Variants in ACTR3C observed in about 807,000 individuals in gnomAD.
ACTR3C encodes actin related protein 3C, also known as actin-related protein 3C.
A neutral mutation model predicts 26.3 loss-of-function variants in ACTR3C; 18 were observed. The ratio of observed to expected loss-of-function variants is 0.68; its 90% CI spans 0.47 to 1.01. The LOEUF (loss-of-function observed/expected upper bound fraction) is 1.01, where lower values mean the gene tolerates loss of function less well. ACTR3C is among the 50% of genes least tolerant of loss of function. The probability of loss-of-function intolerance (pLI) is 0.00; values close to 1 mark genes in which losing one functional copy is unlikely to be tolerated. For synonymous variants in ACTR3C, 55 were observed against 94.5 expected, an observed-to-expected ratio of 0.58 and a Z score of 2.42; for missense variants, 184 against 250.7, an observed-to-expected ratio of 0.73 and a Z score of 1.80.
At chr7:150,053,111 A>G in the ACTR3C span, among the ~76,000 whole-genome samples, 67 of 143,846 alleles carry the variant, frequency 4.7e-4, no homozygotes, top group East Asian at 0.01. Flanking sequence ...TGGTGACACA[A>G]TGATCGTTTC....
the ACTR3C span, among the ~76,000 whole-genome samples, chr7:150,201,565 C>T: frequency 2.0e-5 from 3 of 149,628 alleles, no homozygotes; most frequent in East Asian, 2.0e-4. Context: ...CTGGCTAACA[C>T]GGTGAAACCT....
the ACTR3C span, among the ~76,000 whole-genome samples, chr7:150,029,341 C>T: frequency 3.4e-5 from 5 of 145,492 alleles, no homozygotes; most frequent in African/African-American, 1.3e-4. Flanking sequence ...GGGAGGACTG[C>T]TTGAGCCCAG....
chr7:150,308,537 G>A (rs73472377), intron 1 of ACTR3C, among the ~76,000 whole-genome samples: 7,186 of 151,928 alleles, frequency 0.047, 581 homozygotes, highest in African/African-American at 0.16. Flanking sequence ...TCCCAATGCA[G>A]CTCATCCCAA....
chr7:150,275,988 C>T (rs534040457), intron 6 of ACTR3C, among the ~76,000 whole-genome samples: 3 of 152,246 alleles, frequency 2.0e-5, no homozygotes, highest in Middle Eastern at 3.4e-3. Flanking sequence ...TAGCCCGCAA[C>T]CTTACCTTGC....
chr7:149,994,606 GA>G, the ACTR3C span, among the ~76,000 whole-genome samples: 4 of 147,752 alleles, frequency 2.7e-5, no homozygotes, highest in East Asian at 2.0e-4. Context: ...CATCTCAAAA[GA>G]AAAAAAAATG....
chr7:150,231,389 G>C, the ACTR3C span, among the ~76,000 whole-genome samples: 1 of 151,714 alleles, frequency 6.6e-6, no homozygotes, highest in East Asian at 1.9e-4. Flanking sequence ...TCACTCCATT[G>C]GTTCCCACAA....
At chr7:150,242,765 G>T (rs1832258908), downstream of ACTR3C, among the ~76,000 whole-genome samples, 1 of 152,134 alleles carries the variant, frequency 6.6e-6, no homozygotes, top group Non-Finnish European at 1.5e-5. Flanking sequence ...TTTGTGGAGG[G>T]AAGGAGTATC....
the ACTR3C span, among the ~76,000 whole-genome samples, chr7:150,129,152 T>C: frequency 2.6e-5 from 4 of 151,758 alleles, no homozygotes; most frequent in Admixed American, 6.6e-5. Context: ...TAATCACACG[T>C]CAAAATTCAT....
the ACTR3C span, among the ~76,000 whole-genome samples, chr7:150,202,755 G>T: frequency 6.6e-6 from 1 of 152,210 alleles, no homozygotes; most frequent in South Asian, 2.1e-4. Context: ...GTATTGGCTA[G>T]ACCTCTGGAG....
At chr7:150,208,007 G>A in the ACTR3C span, among the ~76,000 whole-genome samples, 1 of 152,064 alleles carries the variant, frequency 6.6e-6, no homozygotes, top group African/African-American at 2.4e-5. Context: ...GAATCCTCCT[G>A]CCCGAAACAA....
the ACTR3C span, among the ~76,000 whole-genome samples, chr7:150,045,908 T>C: frequency 1.3e-5 from 2 of 152,154 alleles, no homozygotes; most frequent in Non-Finnish European, 2.9e-5. Flanking sequence ...AAAAAGTACA[T>C]TTTTCCTGTT....
the ACTR3C span, among the ~76,000 whole-genome samples, chr7:150,049,546 A>T: frequency 6.6e-6 from 1 of 152,232 alleles, no homozygotes; most frequent in Non-Finnish European, 1.5e-5. Context: ...TCAAAATAAC[A>T]GGCTCGGCCG....
chr7:150,131,905 A>G, the ACTR3C span, among the ~76,000 whole-genome samples: 8 of 152,370 alleles, frequency 5.3e-5, no homozygotes, highest in Admixed American at 3.9e-4. Context: ...ACATGCTACT[A>G]CATGAATGAA....
chr7:150,231,108 C>T, the ACTR3C span, among the ~76,000 whole-genome samples: 1 of 152,132 alleles, frequency 6.6e-6, no homozygotes, highest in East Asian at 1.9e-4. Flanking sequence ...GCTTTCATTG[C>T]ATCCTACAAA....
chr7:150,224,351 A>G, the ACTR3C span, among the ~76,000 whole-genome samples: 3 of 152,226 alleles, frequency 2.0e-5, no homozygotes, highest in Non-Finnish European at 2.9e-5. Flanking sequence ...AAGTCATTCC[A>G]TTACAGCATC....
At chr7:150,235,282 A>G in the ACTR3C span, among the ~76,000 whole-genome samples, 1 of 152,236 alleles carries the variant, frequency 6.6e-6, no homozygotes, top group Non-Finnish European at 1.5e-5. Context: ...ACAATAGATT[A>G]CACAACGTTA....
chr7:149,969,389 C>T, the ACTR3C span, among the ~76,000 whole-genome samples: 5 of 151,754 alleles, frequency 3.3e-5, no homozygotes, highest in Admixed American at 2.0e-4. Context: ...GAGGCAACAG[C>T]AGATAGCAGT....
the ACTR3C span, among the ~76,000 whole-genome samples, chr7:150,084,213 T>C: frequency 1.5e-3 from 228 of 150,532 alleles, 1 homozygote; most frequent in African/African-American, 5.2e-3. Context: ...TTTATTACTA[T>C]GTATACCAGT....
the ACTR3C span, among the ~76,000 whole-genome samples, chr7:150,034,203 T>C: frequency 2.0e-5 from 3 of 151,892 alleles, no homozygotes; most frequent in Admixed American, 6.5e-5. Context: ...CTTCTTTTAC[T>C]AGCAGGGCAG....
Sources: allele counts gnomAD v4.1 joint callset (sites outside exome capture counted in the v4.1 genomes callset), GRCh38; gene constraint gnomAD v4.1.1; transcripts MANE v1.5; gene names NCBI Gene and HGNC (gene_info 2026-07-23, HGNC 2026-07-21).